Variants in FGFR2 observed in about 807,000 individuals in gnomAD.
The protein encoded by FGFR2 is fibroblast growth factor receptor 2, also known as BEK fibroblast growth factor receptor.
A neutral mutation model predicts 95.9 loss-of-function variants in FGFR2; 19 were observed. The ratio of observed to expected loss-of-function variants is 0.20; its 90% CI spans 0.14 to 0.29. The LOEUF (loss-of-function observed/expected upper bound fraction) is 0.29, where lower values mean the gene tolerates loss of function less well. Ranked by LOEUF, FGFR2 falls within the 10% of genes least tolerant of loss-of-function variation. FGFR2 has a pLI of 1.00. For synonymous variants in FGFR2, 392 were observed against 393.3 expected, an observed-to-expected ratio of 1.00 and a Z score of 0.04; for missense variants, 707 against 1,056.9, an observed-to-expected ratio of 0.67 and a Z score of 4.59.
At chr10:121,536,910 C>T (rs572618293) in intron 6 of FGFR2, among the ~76,000 whole-genome samples, 1 of 152,204 alleles carries the variant, frequency 6.6e-6, no homozygotes, top group African/African-American at 2.4e-5. Context: ...GAACATTTAG[C>T]CCAAAATCTC....
intron 5 of FGFR2, among the ~76,000 whole-genome samples, chr10:121,550,551 A>G (rs3135747): frequency 0.11 from 16,967 of 152,160 alleles, 2,638 homozygotes; most frequent in African/African-American, 0.35. Flanking sequence ...GCAGATTGCC[A>G]CTGTCATCTC....
rs41295571 is a variant in FGFR2 at position 121,515,420 on chromosome 10, G to A, written c.1085-101C>T. The A allele has an allele frequency of 3.4e-4, 413 of 1,225,822 alleles. 2 individuals carry two copies. The African/African-American group carries it at 4.2e-3, about 13-fold the overall frequency. 75.9% of individuals were successfully genotyped at this position (1,225,822 alleles called of 1,614,324 possible). ...ACAACCAAAGGAACCAAAAGGCGAC[G>A]ACCATTCTCAAGGCAAGGTGGGCTT... On this transcript the variant is annotated intron_variant, in intron 8 of 17. Transcript: ENST00000358487.
At chr10:121,488,902 A>G (rs1845772391) in intron 13 of FGFR2, among the ~76,000 whole-genome samples, 1 of 152,120 alleles carries the variant, frequency 6.6e-6, no homozygotes, top group Non-Finnish European at 1.5e-5. Flanking sequence ...CTTCTCAAAC[A>G]TTCTAATCTG....
chr10:121,555,867 G>A (rs1196466611), intron 4 of FGFR2, among the ~76,000 whole-genome samples: 1 of 152,182 alleles, frequency 6.6e-6, no homozygotes, highest in Non-Finnish European at 1.5e-5. Context: ...GTTAAAGAGA[G>A]ATTTATAAAC....
chr10:121,479,721 A>G lies in FGFR2; in HGVS notation c.*136T>C. The stretch of plus-strand genomic sequence containing the variant: ...TGTATAAATCTTTACACATATGCTG[A>G]TTACTTTTCCAATTATTTACTCCTC... On this transcript the variant is annotated 3_prime_UTR_variant, in exon 18 of 18. Transcript: ENST00000358487. 6.2e-7 allele frequency: 1 copy of G among 1,606,576 alleles called. No homozygotes were observed. Among genetic ancestry groups the G allele is most frequent in the Non-Finnish European group, 8.5e-7 (1 of 1,175,702 alleles).
intron 4 of FGFR2, among the ~76,000 whole-genome samples, chr10:121,554,525 G>A (rs1307728035): frequency 2.7e-5 from 2 of 72,804 alleles, no homozygotes; most frequent in African/African-American, 1.0e-4. Context: ...TTTTTTTTTT[G>A]TATTTTTAGT....
At chr10:121,563,651 C>T (rs1000151964) in intron 4 of FGFR2, among the ~76,000 whole-genome samples, 11 of 152,180 alleles carry the variant, frequency 7.2e-5, no homozygotes, top group African/African-American at 2.4e-4. Context: ...ATGTAATCCT[C>T]ATAACAACCC....
chr10:121,537,487 T>C (rs1853020576), intron 6 of FGFR2, among the ~76,000 whole-genome samples: 1 of 152,232 alleles, frequency 6.6e-6, no homozygotes, highest in Non-Finnish European at 1.5e-5. Flanking sequence ...GCAATTCCAA[T>C]ATGTAACGGG....
chr10:121,486,488 C>G (rs893237368), intron 15 of FGFR2, among the ~76,000 whole-genome samples: 2 of 152,196 alleles, frequency 1.3e-5, no homozygotes, highest in Non-Finnish European at 2.9e-5. Context: ...TGTTGCCAGG[C>G]TGGAGTGCAG....
intron 9 of FGFR2, among the ~76,000 whole-genome samples, chr10:121,507,358 T>G (rs1239287976): frequency 2.0e-5 from 3 of 152,150 alleles, no homozygotes; most frequent in African/African-American, 7.2e-5. Flanking sequence ...GAAGCCAAGG[T>G]GGGCAGATCT....
intron 13 of FGFR2, among the ~76,000 whole-genome samples, chr10:121,494,058 T>C (rs954837122): frequency 3.3e-5 from 5 of 151,818 alleles, no homozygotes; most frequent in Admixed American, 6.6e-5. Flanking sequence ...CAAACCATCA[T>C]CACCTTTGAC....
At position 121,503,815 on chromosome 10, in the gene FGFR2, G is replaced by A. The variant is rs2134054289; in HGVS notation, c.1414C>T (p.Pro472Ser). ...TTATCTCTTGGAAACTCCCATTTTG[G>A]GTCCTCTGGAAGTTCATACTCGGAG... ...GVSEYELPED[P>S]KWEFPRDKLT... The change falls in exon 10 of 18, where the codon CCA becomes TCA. Residue 472 changes from proline (P) to serine (S), a missense_variant. Around this residue, in one of 7 missense-constraint regions of FGFR2, gnomAD observed 194 missense variants for 267.3 expected, o/e 0.73. Coordinates refer to ENST00000358487, the MANE Select transcript of FGFR2 (RefSeq NM_000141.5). 1 of 1,614,094 alleles carries A rather than the reference G, an allele frequency of 6.2e-7. No homozygotes were observed. Among genetic ancestry groups the A allele is most frequent in the Non-Finnish European group, 8.5e-7 (1 of 1,180,014 alleles).
intron 8 of FGFR2, among the ~76,000 whole-genome samples, chr10:121,516,305 G>C (rs1346162751): frequency 6.6e-6 from 1 of 152,186 alleles, no homozygotes; most frequent in African/African-American, 2.4e-5. Flanking sequence ...ACATCTCTTT[G>C]TTTCAAAGCA....
intron 6 of FGFR2, among the ~76,000 whole-genome samples, chr10:121,529,674 C>T (rs1053255947): frequency 3.3e-5 from 5 of 152,154 alleles, no homozygotes; most frequent in African/African-American, 1.2e-4. Flanking sequence ...TGAGAGAATC[C>T]TGTAATCCAG....
At chr10:121,539,483 G>T (rs1243042694) in intron 5 of FGFR2, among the ~76,000 whole-genome samples, 1 of 152,146 alleles carries the variant, frequency 6.6e-6, no homozygotes, top group African/African-American at 2.4e-5. Context: ...AATACACAAA[G>T]AGACGCCATT....
At chr10:121,562,646 C>A (rs1356474048) in intron 4 of FGFR2, among the ~76,000 whole-genome samples, 1 of 152,084 alleles carries the variant, frequency 6.6e-6, no homozygotes, top group Non-Finnish European at 1.5e-5. Flanking sequence ...CAATGGAATA[C>A]TCAGTGCTAC....
At chr10:121,534,387 G>A (rs1231033492) in intron 6 of FGFR2, among the ~76,000 whole-genome samples, 2 of 145,970 alleles carry the variant, frequency 1.4e-5, no homozygotes, top group African/African-American at 2.6e-5. Flanking sequence ...GTGAGCCACC[G>A]CGCCCGGCTT....
intron 6 of FGFR2, among the ~76,000 whole-genome samples, chr10:121,524,840 C>T (rs191044852): frequency 2.7e-3 from 406 of 152,300 alleles, no homozygotes; most frequent in Non-Finnish European, 4.4e-3. Context: ...GGAACCTCCC[C>T]GGTCCCTGGG....
chr10:121,577,178 T>TATATATATATAGAGAGAGAGAG, intron 2 of FGFR2, among the ~76,000 whole-genome samples: 10 of 5,212 alleles, frequency 1.9e-3, no homozygotes, highest in African/African-American at 1.6e-3. Context: ...TATATATATA[T>TATATATATATAGAGAGAGAGAG]AGAGAGAGAG....
Sources: allele counts gnomAD v4.1 joint callset (sites outside exome capture counted in the v4.1 genomes callset), GRCh38; gene constraint gnomAD v4.1.1; regional missense constraint gnomAD v4.1.1; transcripts MANE v1.5; gene names NCBI Gene and HGNC (gene_info 2026-07-23, HGNC 2026-07-21).